The following HTT variants were observed in gnomAD, a reference collection of about 807,000 sequenced individuals.
The protein encoded by HTT is huntington disease protein.
HTT carries 104 observed loss-of-function variants against 362.3 expected under a neutral mutation model. The ratio of observed to expected loss-of-function variants is 0.29; its 90% CI spans 0.24 to 0.34. The LOEUF is 0.34. Among genes scored for constraint, HTT ranks in the 10% least tolerant of loss-of-function variants. The pLI, the probability that HTT is intolerant of heterozygous loss-of-function variation, is 1.00. For synonymous variants in HTT, 1,577 were observed against 1,548.7 expected, an observed-to-expected ratio of 1.02 and a Z score of -0.43; for missense variants, 3,301 against 3,928.6, an observed-to-expected ratio of 0.84 and a Z score of 4.27.
rs912690918 is a variant in HTT at position 3,156,931 on chromosome 4, A to G, written c.3626-141A>G. The G allele has an allele frequency of 6.3e-6, 4 of 634,142 alleles. No individual in the cohort carries two copies. In the South Asian group the frequency reaches 6.8e-5, roughly 11 times the overall value. The allele number at this position is 634,142 out of a possible 1,614,324, so 39.3% of individuals were successfully genotyped here. On this transcript the variant is annotated intron_variant, in intron 27 of 66. Coordinates refer to ENST00000355072, the MANE Select transcript of HTT (RefSeq NM_001388492.1). ...TGTTAGTCAATTTCTCATTACTTCT[A>G]GTTAATCAAAAGGTCAGAGGAAATA... is the stretch of plus-strand genomic sequence containing the variant.
Position 3,115,375 on chromosome 4 carries a change from A to G in HTT, c.819A>G (p.Ser273=). Residue 273 remains serine, a synonymous_variant, in exon 7 of 67, where the codon TCA becomes TCG. Transcript: ENST00000355072. ...SPTIRRTAAG[S]AVSICQHSRR... ...CCATTCGGCGGACAGCGGCTGGATC[A>G]GCAGTGAGCATCTGCCAGCACTCAA... 6.2e-7 allele frequency: 1 copy of G among 1,614,046 alleles called. No homozygotes were observed. Among genetic ancestry groups the G allele is most frequent in the Non-Finnish European group, 8.5e-7 (1 of 1,179,870 alleles).
intron 23 of HTT, among the ~76,000 whole-genome samples, chr4:3,143,559 GA>G (rs1297813760): frequency 6.6e-6 from 1 of 151,550 alleles, no homozygotes; most frequent in Non-Finnish European, 1.5e-5. Context: ...TATACTAAGG[GA>G]AAAATATTTA....
chr4:3,235,627 C>G lies in HTT; in HGVS notation c.8634C>G (p.Ala2878=). The G allele has an allele frequency of 1.2e-6, 2 of 1,613,870 alleles. No individual in the cohort carries two copies. The highest frequency in any genetic ancestry group is 1.7e-6 in the Non-Finnish European group (2 of 1,180,006). The change falls in exon 63 of 67, where the codon GCC becomes GCG. Residue 2878 remains alanine (A), a synonymous_variant. Coordinates refer to ENST00000355072, the MANE Select transcript of HTT (RefSeq NM_001388492.1). ...CCCCCTCCATCATTTACCACTGTGCCCTCAGAGGCCTGGAGCGCCTCCTGC... is the reference window on the plus strand; with the variant it reads ...CCCCCTCCATCATTTACCACTGTGCGCTCAGAGGCCTGGAGCGCCTCCTGC... ...ESTPSIIYHC[A]LRGLERLLLS... is the part of the protein sequence containing the mutation.
intron 57 of HTT, 35 bp downstream of exon 57, chr4:3,225,778 C>G (rs373153609): frequency 6.5e-7 from 1 of 1,541,652 alleles, no homozygotes. Context: ...GGCCTCTGTC[C>G]GTTTCTGTCC....
intron 6 of HTT, among the ~76,000 whole-genome samples, chr4:3,114,101 G>A (rs1397534617): frequency 6.6e-6 from 1 of 152,204 alleles, no homozygotes; most frequent in Non-Finnish European, 1.5e-5. Flanking sequence ...TTAACTAAAA[G>A]TATCCCTTAT....
At position 3,105,386 on chromosome 4, in the gene HTT, C is replaced by T. The variant is rs1301656436; in HGVS notation, c.558C>T (p.Ala186=). The change falls in exon 5 of 67, where the codon GCC becomes GCT. Residue 186 remains alanine, a synonymous_variant. Coordinates refer to ENST00000355072, the MANE Select transcript of HTT (RefSeq NM_001388492.1). ...KNGAPRSLRA[A]LWRFAELAHL... Reference sequence around the variant, plus strand: ...GTGCCCCTCGGAGTTTGCGTGCTGCCCTGTGGAGGTTTGCTGAGCTGGCTC... The same window carrying T: ...GTGCCCCTCGGAGTTTGCGTGCTGCTCTGTGGAGGTTTGCTGAGCTGGCTC... 4 of 1,613,960 alleles carry T rather than the reference C, an allele frequency of 2.5e-6. No individual in the cohort carries two copies. Among genetic ancestry groups the T allele is most frequent in the Non-Finnish European group, 3.4e-6 (4 of 1,179,880 alleles).
At chr4:3,187,124 G>T (rs1287418381) in intron 38 of HTT, among the ~76,000 whole-genome samples, 3 of 151,590 alleles carry the variant, frequency 2.0e-5, no homozygotes, top group Non-Finnish European at 2.9e-5. Flanking sequence ...CTCCCAAAGT[G>T]CTGGGATTAC....
At chr4:3,234,017 G>A (rs992441691) in intron 61 of HTT, among the ~76,000 whole-genome samples, 2 of 152,224 alleles carry the variant, frequency 1.3e-5, no homozygotes, top group Admixed American at 6.5e-5. Context: ...AATTTCATCA[G>A]CCACCCACAT....
intron 1 of HTT, among the ~76,000 whole-genome samples, chr4:3,076,435 A>G (rs766401830): frequency 6.6e-6 from 1 of 152,208 alleles, no homozygotes; most frequent in Non-Finnish European, 1.5e-5. Context: ...TCGTCTTCAA[A>G]GTTTAATTAG....
At chr4:3,215,786 C>A (rs1720369108) in intron 51 of HTT, among the ~76,000 whole-genome samples, 1 of 151,864 alleles carries the variant, frequency 6.6e-6, no homozygotes, top group Non-Finnish European at 1.5e-5. Context: ...GCTTTTCATG[C>A]ACTTTCCTCC....
rs1382090272 is a variant in HTT at position 3,220,172 on chromosome 4, A to G, written c.7243-10A>G. On this transcript the variant is annotated splice_polypyrimidine_tract_variant and intron_variant, in intron 52 of 66. Coordinates refer to ENST00000355072, the MANE Select transcript of HTT (RefSeq NM_001388492.1). ...ACTCGGATGATGTCACTTCCTTTTC[A>G]TCTTCTCAGGTGTGGAAGCTTGGAT... is the stretch of plus-strand genomic sequence containing the variant. 9.3e-6 allele frequency: 15 copies of G among 1,613,860 alleles called. No homozygotes were observed. Among genetic ancestry groups the G allele is most frequent in the Non-Finnish European group, 1.3e-5 (15 of 1,179,932 alleles).
At chr4:3,234,702 C>T (rs571865823) in intron 61 of HTT, among the ~76,000 whole-genome samples, 2 of 152,306 alleles carry the variant, frequency 1.3e-5, no homozygotes, top group East Asian at 1.9e-4. Flanking sequence ...GGCCGTGTCA[C>T]GTGCCTCCGA....
intron 33 of HTT, among the ~76,000 whole-genome samples, chr4:3,176,274 G>A (rs1168829295): frequency 2.6e-5 from 4 of 152,090 alleles, no homozygotes; most frequent in Admixed American, 6.6e-5. Context: ...TGATCTGCCC[G>A]CCTCGGCCTC....
chr4:3,115,547 A>G (rs1451730924), intron 7 of HTT, 102 bp downstream of exon 7: 16 of 939,878 alleles, frequency 1.7e-5, no homozygotes, highest in East Asian at 7.6e-5. Flanking sequence ...AGACCAGGCT[A>G]TTTGGCACTG....
At chr4:3,232,748 C>T (rs1361931700) in intron 60 of HTT, among the ~76,000 whole-genome samples, 2 of 152,266 alleles carry the variant, frequency 1.3e-5, no homozygotes, top group Non-Finnish European at 2.9e-5. Context: ...GCAGGACGCA[C>T]TTAACTCCCC....
In HTT at chr4:3,104,251, G is replaced by A. The variant is rs550331273; in HGVS notation, c.528+368G>A. On this transcript the variant is annotated intron_variant, in intron 4 of 66. Transcript: ENST00000355072. The stretch of plus-strand genomic sequence containing the variant: ...TGACCTCAGGTGATCCGCCCGCCTC[G>A]GCCTCCCAAAGTGTTGGGATTACAG... 1.6e-3 allele frequency among the ~76,000 whole-genome samples: 244 copies of A among 151,946 alleles called. No homozygotes were observed. The Middle Eastern group carries it at 0.02, about 13-fold the overall frequency.
intron 33 of HTT, among the ~76,000 whole-genome samples, chr4:3,176,654 TG>T (rs1718258068): frequency 6.6e-6 from 1 of 152,218 alleles, no homozygotes; most frequent in African/African-American, 2.4e-5. Context: ...TTGTTCTGAT[TG>T]CCTTTCATCA....
At chr4:3,223,957 A>G in intron 55 of HTT, 35 bp from the exon 56 acceptor site, 1 of 1,611,556 alleles carries the variant, frequency 6.2e-7, no homozygotes, top group Admixed American at 1.7e-5. Context: ...TTTTGAAGGA[A>G]ACAAAACACT....
intron 51 of HTT, among the ~76,000 whole-genome samples, chr4:3,217,360 G>A (rs1720459975): frequency 6.6e-6 from 1 of 152,166 alleles, no homozygotes; most frequent in African/African-American, 2.4e-5. Context: ...ATGACAACAT[G>A]GCCCTTTGAT....
Sources: allele counts gnomAD v4.1 joint callset (sites outside exome capture counted in the v4.1 genomes callset), GRCh38; gene constraint gnomAD v4.1.1; transcripts MANE v1.5; gene names NCBI Gene and HGNC (gene_info 2026-07-23, HGNC 2026-07-21).